RIN1: variants seen among roughly 807,000 people sequenced by gnomAD.
RIN1 encodes ras inhibitor 1.
Under a neutral mutation model 64.9 loss-of-function variants are expected in RIN1, and 52 were observed. The ratio of observed to expected loss-of-function variants is 0.80; its 90% CI spans 0.64 to 1.01. The LOEUF is 1.01. Ranked by LOEUF, RIN1 falls within the 50% of genes least tolerant of loss-of-function variation. The pLI is 0.00. For missense variants in RIN1, 1,040 were observed against 1,064.5 expected, an observed-to-expected ratio of 0.98 and a Z score of 0.32; for synonymous variants, 486 against 483.6, an observed-to-expected ratio of 1.00 and a Z score of -0.06.
In RIN1 at chr11:66,335,808, A is replaced by C. The variant is rs567439359; in HGVS notation, c.336T>G (p.Ser112Arg). The C allele has an allele frequency of 1.4e-5, 23 of 1,610,180 alleles. No homozygotes were observed. In the East Asian group the frequency reaches 4.5e-4, roughly 31 times the overall value. Residue 112 changes from serine to arginine, a missense_variant, in exon 3 of 10, where the codon AGT (serine) becomes AGG (arginine). Physicochemically the swap from Ser to Arg is moderately radical, Grantham distance 110 (BLOSUM62 -1). Transcript: ENST00000311320. Reference sequence around the variant, plus strand: ...AGTGGCTGGAGACGAAGGAGGGGCCACTGGCTTCAGGCAACCGCATGCACA... The same window carrying C: ...AGTGGCTGGAGACGAAGGAGGGGCCCCTGGCTTCAGGCAACCGCATGCACA... ...QALCMRLPEA[S>R]GPSFVSSHYI...
At position 66,335,999 on chromosome 11, in the gene RIN1, C is replaced by A; in HGVS notation, c.246G>T (p.Met82Ile). ...TCACCCCCGGGGGCTCGGTCCTCAG[C>A]ATGTGCAGTGCGGCCGCTGCGTTGG... ...LQANAAAALHMLRTEPPGTFL... is the reference protein window; with the variant it reads ...LQANAAAALHILRTEPPGTFL... Residue 82 changes from methionine to isoleucine, a missense_variant, in exon 2 of 10, where the codon ATG (methionine) becomes ATT (isoleucine). Coordinates refer to ENST00000311320, the MANE Select transcript of RIN1 (RefSeq NM_004292.3). The A allele has an allele frequency of 2.0e-6, 3 of 1,474,986 alleles. No individual in the cohort carries two copies. The highest frequency in any genetic ancestry group is 2.4e-5 in the East Asian group (1 of 42,188). The allele number at this position is 1,474,986 out of a possible 1,614,324, so 91.4% of individuals were successfully genotyped here.
chr11:66,333,309 G>A lies in RIN1; in HGVS notation c.1824C>T (p.Arg608=). The A allele has an allele frequency of 6.2e-7, 1 of 1,612,732 alleles. No homozygotes were observed. Among genetic ancestry groups the A allele is most frequent in the Non-Finnish European group, 8.5e-7 (1 of 1,180,010 alleles). ...GGCGCTGCTCCCAGAGGCTGAGGGA[G>A]CGCCGTAGCTCCTGCACGGGGCTCA... ...LPLSPVQELR[R]SLSLWEQRRL... is the part of the protein sequence containing the mutation. Residue 608 remains arginine (R), a synonymous_variant, in exon 9 of 10, where the codon CGC becomes CGT. Transcript: ENST00000311320.
rs941773017 is a variant in RIN1 at position 66,334,090 on chromosome 11, C to A, written c.1420G>T (p.Ala474Ser). ...GACCCGAAGGCTCCGGGGCCCTGGG[C>A]CCGGGCCAGGCGGAGGCCCTCAGCT... Reference protein sequence around the residue: ...RLAEGLRLARAQGPGAFGSHL... With the variant: ...RLAEGLRLARSQGPGAFGSHL... The change falls in exon 7 of 10, where the codon GCC becomes TCC. Residue 474 changes from alanine (A) to serine (S), a missense_variant. Ala to Ser is a moderately conservative substitution (Grantham distance 99). Transcript: ENST00000311320. 1.9e-6 allele frequency: 3 copies of A among 1,562,454 alleles called. No individual in the cohort carries two copies. The highest frequency in any genetic ancestry group is 1.9e-5 in the Admixed American group (1 of 51,692).
At position 66,335,630 on chromosome 11, in the gene RIN1, G is replaced by C. The variant is rs773628014; in HGVS notation, c.435C>G (p.Ile145Met). The part of the protein sequence containing the change: ...ELMFPDLVQL[I>M]CAYCHTRDIL... The stretch of plus-strand genomic sequence containing the variant: ...CTCACCGGGTGTGGCAGTAGGCACA[G>C]ATGAGCTGGACTAGGTCTGGGAACA... Residue 145 changes from isoleucine to methionine, a missense_variant, in exon 4 of 10, where the codon ATC (isoleucine) becomes ATG (methionine). Coordinates refer to ENST00000311320, the MANE Select transcript of RIN1 (RefSeq NM_004292.3). The C allele has an allele frequency of 1.2e-6, 2 of 1,613,782 alleles. No homozygotes were observed. The highest frequency in any genetic ancestry group is 2.2e-5 in the South Asian group (2 of 90,962).
In RIN1 at chr11:66,334,635, G is replaced by T; in HGVS notation, c.1164C>A (p.Thr388=). Residue 388 remains threonine, a synonymous_variant, in exon 6 of 10, where the codon ACC becomes ACA. Transcript: ENST00000311320. ...GGGGCTCGGGCCCAGCCCGCACCTG[G>T]GTCAGTAGGTCCTGCACCAGCTGGC... is the stretch of plus-strand genomic sequence containing the variant. ...AAGQLVQDLL[T]QVRAGPEPQE... The T allele has an allele frequency of 6.3e-7, 1 of 1,575,508 alleles. No homozygotes were observed. Among genetic ancestry groups the T allele is most frequent in the Non-Finnish European group, 8.6e-7 (1 of 1,163,296 alleles).
chr11:66,335,812 G>T lies in RIN1; in HGVS notation c.332C>A (p.Ala111Asp). 1 of 1,609,802 alleles carries T rather than the reference G, an allele frequency of 6.2e-7. No homozygotes were observed. Among genetic ancestry groups the T allele is most frequent in the South Asian group, 1.1e-5 (1 of 90,664 alleles). Reference sequence around the variant, plus strand: ...GCTGGAGACGAAGGAGGGGCCACTGGCTTCAGGCAACCGCATGCACAGGGC... The same window carrying T: ...GCTGGAGACGAAGGAGGGGCCACTGTCTTCAGGCAACCGCATGCACAGGGC... Reference protein sequence around the residue: ...CQALCMRLPEASGPSFVSSHY... With the variant: ...CQALCMRLPEDSGPSFVSSHY... Residue 111 changes from alanine to aspartate, a missense_variant, in exon 3 of 10, where the codon GCC becomes GAC. Transcript: ENST00000311320.
rs1364661279 is a variant in RIN1, at chr11:66,333,297, G to C, written c.1836C>G (p.Leu612=). 1.2e-6 allele frequency: 2 copies of C among 1,612,308 alleles called. No homozygotes were observed. The highest frequency in any genetic ancestry group is 1.7e-6 in the Non-Finnish European group (2 of 1,180,002). ...TGGCAGGCAGGCGGCGCTGCTCCCA[G>C]AGGCTGAGGGAGCGCCGTAGCTCCT... ...PVQELRRSLS[L]WEQRRLPATH... The change falls in exon 9 of 10, where the codon CTC becomes CTG. Residue 612 remains leucine (L), a synonymous_variant. Transcript: ENST00000311320.
intron 6 of RIN1, 30 bp downstream of exon 6, chr11:66,334,484 T>G: frequency 6.3e-7 from 1 of 1,590,248 alleles, no homozygotes; most frequent in Non-Finnish European, 8.5e-7. Context: ...GATGGGGCAG[T>G]GCTGGAGCTA....
Position 66,333,286 on chromosome 11 carries a change from C to A in RIN1, c.1847G>T (p.Arg616Leu). 6.2e-7 allele frequency: 1 copy of A among 1,611,470 alleles called. No homozygotes were observed. Among genetic ancestry groups the A allele is most frequent in the Non-Finnish European group, 8.5e-7 (1 of 1,179,976 alleles). ...LRRSLSLWEQ[R>L]RLPATHCFQH... ...GAAGCAGTGGGTGGCAGGCAGGCGG[C>A]GCTGCTCCCAGAGGCTGAGGGAGCG... The change falls in exon 9 of 10, where the codon CGC becomes CTC. Residue 616 changes from arginine (R) to leucine (L), a missense_variant. Transcript: ENST00000311320.
At position 66,334,624 on chromosome 11, in the gene RIN1, G is replaced by A. The variant is rs1440949117; in HGVS notation, c.1175C>T (p.Ala392Val). The change falls in exon 6 of 10, where the codon GCT (alanine) becomes GTT (valine). Residue 392 changes from alanine (A) to valine (V), a missense_variant. Ala to Val is a moderately conservative substitution (Grantham distance 64). Transcript: ENST00000311320. ...CTGCAGCTCCTGGGGCTCGGGCCCA[G>A]CCCGCACCTGGGTCAGTAGGTCCTG... ...LVQDLLTQVR[A>V]GPEPQELQGI... The A allele has an allele frequency of 1.9e-6, 3 of 1,577,250 alleles. No homozygotes were observed. The highest frequency in any genetic ancestry group is 1.7e-6 in the Non-Finnish European group (2 of 1,164,260).
At chr11:66,335,379 T>C in intron 5 of RIN1, 28 bp downstream of exon 5, 1 of 1,580,470 alleles carries the variant, frequency 6.3e-7, no homozygotes, top group Non-Finnish European at 8.6e-7. Flanking sequence ...CTTGTTCATC[T>C]GTGCAATGGG....
chr11:66,332,224 C>T lies in RIN1; in HGVS notation c.*52G>A. ...GGGCTTGCTGGCGCTAAAAGGATTT[C>T]TCAGCAGGCTCAGGGTCTCCCGCCC... On this transcript the variant is annotated 3_prime_UTR_variant, in exon 10 of 10. Coordinates refer to ENST00000311320, the MANE Select transcript of RIN1 (RefSeq NM_004292.3). The T allele has an allele frequency of 6.5e-7, 1 of 1,548,300 alleles. No individual in the cohort carries two copies. Among genetic ancestry groups the T allele is most frequent in the Non-Finnish European group, 8.9e-7 (1 of 1,123,952 alleles).
Position 66,332,643 on chromosome 11 carries a change from T to A in RIN1, c.1985A>T (p.Lys662Met). The A allele has an allele frequency of 1.9e-6, 3 of 1,597,990 alleles. No homozygotes were observed. Among genetic ancestry groups the A allele is most frequent in the Non-Finnish European group, 2.6e-6 (3 of 1,170,900 alleles). The change falls in exon 10 of 10, where the codon AAG becomes ATG. Residue 662 changes from lysine to methionine, a missense_variant. Physicochemically the swap from Lys to Met is moderately conservative, Grantham distance 95 (BLOSUM62 -1). Transcript: ENST00000311320. The part of the protein sequence containing the change: ...IATLNQLCAT[K>M]FRVTQPNTFG... ...AGTGTTGGGCTGGGTCACTCGGAAC[T>A]TGGTGGCACAGAGCTGGTTCAGGGT...
chr11:66,334,971 G>A lies in RIN1; in HGVS notation c.828C>T (p.Ser276=). 6.4e-7 allele frequency: 1 copy of A among 1,574,090 alleles called. No individual in the cohort carries two copies. The part of the protein sequence containing the change: ...PVPVLPGAVP[S]QTERLPPCQL... ...GGCAAGGGGGCAGCCGCTCTGTCTG[G>A]CTGGGGACTGCCCCTGGCAGCACGG... The change falls in exon 6 of 10, where the codon AGC becomes AGT. Residue 276 remains serine (S), a synonymous_variant. Transcript: ENST00000311320.
intron 6 of RIN1, 112 bp from the exon 7 acceptor site, chr11:66,334,336 G>C: frequency 3.3e-6 from 4 of 1,228,844 alleles, no homozygotes; most frequent in Non-Finnish European, 4.4e-6. Context: ...AAAGCAGGAG[G>C]AGGTAGCCTG....
At chr11:66,333,133 C>A (rs1350842555) in intron 9 of RIN1, 125 bp downstream of exon 9, 4 of 1,221,336 alleles carry the variant, frequency 3.3e-6, no homozygotes, top group Middle Eastern at 2.8e-4. Context: ...GTCCCCACAA[C>A]CCAGTGGCAG....
chr11:66,331,786 C>A lies in RIN1; in HGVS notation c.*490G>T. ...TTCTGGTGTCCAGGACAGGGGTGGG[C>A]CCCAAGCCTTTGCTGCTGTTCTGTG... On this transcript the variant is annotated 3_prime_UTR_variant, in exon 10 of 10. Transcript: ENST00000311320. 1 of 168,522 alleles carries A rather than the reference C, an allele frequency of 5.9e-6. No individual in the cohort carries two copies. Among genetic ancestry groups the A allele is most frequent in the Non-Finnish European group, 1.3e-5 (1 of 78,944 alleles). The allele number at this position is 168,522 out of a possible 1,614,324, so 10.4% of individuals were successfully genotyped here.
In RIN1 at chr11:66,332,675, C is replaced by G; in HGVS notation, c.1953G>C (p.Ser651=). The change falls in exon 10 of 10, where the codon TCG becomes TCC. Residue 651 remains serine, a synonymous_variant. Coordinates refer to ENST00000311320, the MANE Select transcript of RIN1 (RefSeq NM_004292.3). ...CACAGAGCTGGTTCAGGGTGGCAAT[C>G]GAGGCTTCTGGGGGCACGGCCAGGG... ...SKTLAVPPEA[S]IATLNQLCAT... 6 of 1,576,476 alleles carry G rather than the reference C, an allele frequency of 3.8e-6. No homozygotes were observed. The highest frequency in any genetic ancestry group is 5.2e-6 in the Non-Finnish European group (6 of 1,160,758).
Position 66,335,681 on chromosome 11 carries a change from G to T in RIN1, c.384C>A (p.Gly128=), listed in dbSNP as rs768231273. The change falls in exon 4 of 10, where the codon GGC becomes GGA. Residue 128 remains glycine, a splice_region_variant and synonymous_variant. Transcript: ENST00000311320. The stretch of plus-strand genomic sequence containing the variant: ...TGAGCTCCGAGCCCTCCAAGGAGAC[G>T]CCTGAGAGAGGAGGGAAGTGAGGTG... The part of the protein sequence containing the change: ...SSHYILESPG[G]VSLEGSELMF... The T allele has an allele frequency of 1.2e-6, 2 of 1,613,186 alleles. No individual in the cohort carries two copies. Among genetic ancestry groups the T allele is most frequent in the South Asian group, 2.2e-5 (2 of 90,882 alleles).
Sources: allele counts gnomAD v4.1 joint callset, GRCh38; gene constraint gnomAD v4.1.1; transcripts MANE v1.5; gene names NCBI Gene and HGNC (gene_info 2026-07-23, HGNC 2026-07-21).